Variants in LAMA2 observed in about 807,000 individuals in gnomAD.
The protein encoded by LAMA2 is laminin subunit alpha-2.
Under a neutral mutation model 364.8 loss-of-function variants are expected in LAMA2, and 269 were observed. The ratio of observed to expected loss-of-function variants is 0.74; its 90% confidence interval spans 0.67 to 0.82. The LOEUF (loss-of-function observed/expected upper bound fraction) is 0.82. Ranked by LOEUF, LAMA2 falls within the 40% of genes least tolerant of loss-of-function variation. The pLI is 0.00. For synonymous variants in LAMA2, 1,379 were observed against 1,370.6 expected, an observed-to-expected ratio of 1.01 and a Z score of -0.14; for missense variants, 3,807 against 3,873.2, an observed-to-expected ratio of 0.98 and a Z score of 0.45.
intron 3 of LAMA2, among the ~76,000 whole-genome samples, chr6:129,093,447 G>T (rs1411872072): frequency 6.6e-6 from 1 of 152,118 alleles, no homozygotes; most frequent in African/African-American, 2.4e-5. Context: ...CTCACTTCAA[G>T]CTATGAGGTC....
At position 129,183,414 on chromosome 6, in the gene LAMA2, A is replaced by G. The variant is rs540902588; in HGVS notation, c.1467+5548A>G. On this transcript the variant is annotated intron_variant, in intron 10 of 64. Coordinates refer to ENST00000421865, the MANE Select transcript of LAMA2 (RefSeq NM_000426.4). ...AAGATAAATAGTGAAGTAGAAGACT[A>G]GAAATCAAAGTCTGTATTTTCATCT... is the stretch of plus-strand genomic sequence containing the variant. Among the ~76,000 whole-genome samples, 17 of 152,114 alleles carry G rather than the reference A, an allele frequency of 1.1e-4. 1 individual carries two copies. Among genetic ancestry groups the G allele is most frequent in the African/African-American group, 3.9e-4 (16 of 41,548 alleles).
In LAMA2 at chr6:129,124,940, G is replaced by A. The variant is rs188812203; in HGVS notation, c.640-18961G>A. On this transcript the variant is annotated intron_variant, in intron 4 of 64. Transcript: ENST00000421865. ...AGGAGGGAAGGGCAAATGCAAGGGA[G>A]CAGGTAAGAGGCTTTCACAGCAACT... Among the ~76,000 whole-genome samples, 37 of 152,308 alleles carry A rather than the reference G, an allele frequency of 2.4e-4. No homozygotes were observed. In the East Asian group the frequency reaches 7.1e-3, roughly 29 times the overall value.
At chr6:129,339,245 G>A (rs533451987) in intron 29 of LAMA2, among the ~76,000 whole-genome samples, 1 of 152,150 alleles carries the variant, frequency 6.6e-6, no homozygotes, top group African/African-American at 2.4e-5. Flanking sequence ...GAAACAGAGA[G>A]TAATAGACTC....
At chr6:129,438,225 C>T (rs1008509626) in intron 41 of LAMA2, among the ~76,000 whole-genome samples, 4 of 151,802 alleles carry the variant, frequency 2.6e-5, no homozygotes, top group African/African-American at 9.6e-5. Flanking sequence ...TTCTGCTAAA[C>T]AATCATATCT....
chr6:128,904,224 G>A (rs761139305), intron 1 of LAMA2, among the ~76,000 whole-genome samples: 21 of 152,202 alleles, frequency 1.4e-4, no homozygotes, highest in African/African-American at 4.1e-4. Context: ...TTTCTGACTC[G>A]TCATTATACC....
At chr6:129,422,607 TA>T (rs1781130971) in intron 40 of LAMA2, among the ~76,000 whole-genome samples, 2 of 152,236 alleles carry the variant, frequency 1.3e-5, no homozygotes, top group South Asian at 4.1e-4. Context: ...ACAATTTGGA[TA>T]AAAAGGGCAA....
intron 50 of LAMA2, 31 bp downstream of exon 50, chr6:129,464,483 T>C (rs1216551304): frequency 6.4e-7 from 1 of 1,561,420 alleles, no homozygotes; most frequent in Non-Finnish European, 8.8e-7. Context: ...AGAGTTTCCG[T>C]GACTAAAATG....
chr6:128,941,648 G>GA (rs1780166233), intron 1 of LAMA2, among the ~76,000 whole-genome samples: 1 of 151,960 alleles, frequency 6.6e-6, no homozygotes, highest in South Asian at 2.1e-4. Context: ...TGACATTCTG[G>GA]AAAAAATAGA....
chr6:129,077,176 CATTA>C (rs1404338321), intron 3 of LAMA2, among the ~76,000 whole-genome samples: 1 of 151,994 alleles, frequency 6.6e-6, no homozygotes, highest in Non-Finnish European at 1.5e-5. Context: ...TTTGCTTCTT[CATTA>C]TCCTTACCTC....
rs368143247 is a variant in LAMA2 at position 129,201,912 on chromosome 6, A to G, written c.1782+9059A>G. Among the ~76,000 whole-genome samples the G allele has an allele frequency of 3.3e-5, 5 of 152,264 alleles. No individual in the cohort carries two copies. In the South Asian group the frequency reaches 1.0e-3, roughly 32 times the overall value. On this transcript the variant is annotated intron_variant, in intron 12 of 64. Transcript: ENST00000421865. ...CAATCAGAAAAAAACTAACATGGCC[A>G]GGCGCGGTGGCTCATGCCTGTAATC... is the stretch of plus-strand genomic sequence containing the variant.
intron 12 of LAMA2, among the ~76,000 whole-genome samples, chr6:129,232,999 T>C (rs146727251): frequency 5.8e-4 from 89 of 152,208 alleles, no homozygotes; most frequent in African/African-American, 2.0e-3. Flanking sequence ...AGCAAGGAAA[T>C]GGGAACCTCA....
chr6:129,134,179 T>G (rs1777655912), intron 4 of LAMA2, among the ~76,000 whole-genome samples: 1 of 152,250 alleles, frequency 6.6e-6, no homozygotes, highest in Non-Finnish European at 1.5e-5. Flanking sequence ...GTCATTGTAC[T>G]CTCAGTTACT....
intron 1 of LAMA2, among the ~76,000 whole-genome samples, chr6:128,886,955 A>G (rs181803433): frequency 5.7e-4 from 87 of 152,324 alleles, no homozygotes; most frequent in Non-Finnish European, 1.0e-3. Flanking sequence ...GCCATTTGTC[A>G]GTTCTAAGAT....
chr6:129,154,643 A>G lies in LAMA2; in HGVS notation c.1166A>G (p.Asn389Ser). The G allele has an allele frequency of 6.2e-7, 1 of 1,614,088 alleles. No individual in the cohort carries two copies. The highest frequency in any genetic ancestry group is 1.1e-5 in the South Asian group (1 of 91,086). Residue 389 changes from asparagine to serine, a missense_variant, in exon 8 of 65, where the codon AAC (asparagine) becomes AGC (serine). Physicochemically the swap from Asn to Ser is conservative, Grantham distance 46 (BLOSUM62 1). Around this residue, in one of 3 missense-constraint regions of LAMA2, gnomAD observed 80 missense variants for 124.0 expected, o/e 0.65. Transcript: ENST00000421865. ...TGTACCCAAAACACTGCTGGTATAA[A>G]CTGCGAGACATGTACTGATGGCTTC... ...INCTQNTAGI[N>S]CETCTDGFFR...
At chr6:129,360,697 G>A (rs769698483) in intron 32 of LAMA2, among the ~76,000 whole-genome samples, 1 of 152,212 alleles carries the variant, frequency 6.6e-6, no homozygotes, top group Non-Finnish European at 1.5e-5. Context: ...AAAATGGAAT[G>A]TATGAGCCCT....
intron 34 of LAMA2, among the ~76,000 whole-genome samples, chr6:129,374,854 G>A (rs555546598): frequency 2.6e-4 from 39 of 151,584 alleles, no homozygotes; most frequent in African/African-American, 9.2e-4. Context: ...CAAAGTGCTG[G>A]GATTACAGGC....
At chr6:128,926,358 C>T (rs572796726) in intron 1 of LAMA2, among the ~76,000 whole-genome samples, 54 of 152,182 alleles carry the variant, frequency 3.5e-4, no homozygotes, top group Admixed American at 3.3e-3. Context: ...GTCATTTTAC[C>T]GCTTCAAGGA....
intron 12 of LAMA2, among the ~76,000 whole-genome samples, chr6:129,238,492 G>A (rs897463357): frequency 1.3e-5 from 2 of 152,034 alleles, no homozygotes; most frequent in African/African-American, 4.8e-5. Flanking sequence ...TAGAAAGTGG[G>A]TAAGTCTCAT....
intron 45 of LAMA2, among the ~76,000 whole-genome samples, chr6:129,446,406 G>A (rs971725895): frequency 2.0e-5 from 3 of 150,000 alleles, no homozygotes; most frequent in Admixed American, 6.7e-5. Context: ...AAGTTTACTA[G>A]GATAGAAACA....
Sources: gnomAD v4.1 joint callset for allele counts (sites outside exome capture counted in the v4.1 genomes callset) on GRCh38, gnomAD v4.1.1 for gene constraint, gnomAD v4.1.1 regional missense constraint, MANE v1.5 for transcripts, NCBI Gene and HGNC (gene_info 2026-07-23, HGNC 2026-07-21) for gene names.